TRPM3: variants seen among roughly 807,000 people sequenced by gnomAD.
TRPM3 encodes transient receptor potential cation channel subfamily M member 3, also known as long transient receptor potential channel 3.
Under a neutral mutation model 181.2 loss-of-function variants are expected in TRPM3, and 77 were observed. That is an observed-to-expected ratio of 0.42 (90% CI 0.35 to 0.51). TRPM3 has a LOEUF of 0.51. Ranked by LOEUF, TRPM3 falls within the 20% of genes least tolerant of loss-of-function variation. The probability of loss-of-function intolerance (pLI) is 0.01; values close to 1 mark genes in which losing one functional copy is unlikely to be tolerated. For synonymous variants in TRPM3, 745 were observed against 796.4 expected (o/e 0.94, Z 1.09); for missense variants, 1,759 against 2,196.7 (o/e 0.80, Z 3.98).
chr9:71,184,900 A>C (rs1171678805), intron 1 of TRPM3, among the ~76,000 whole-genome samples: 2 of 152,102 alleles, frequency 1.3e-5, no homozygotes, highest in Non-Finnish European at 2.9e-5. Flanking sequence ...CTCTTATAAT[A>C]AAGGGAGGGA....
In TRPM3 at chr9:70,862,968, G is replaced by A. The variant is rs1443773042; in HGVS notation, c.402C>T (p.Ser134=). Residue 134 remains serine (S), a synonymous_variant, in exon 3 of 26, where the codon AGC becomes AGT. Transcript: ENST00000677713. The stretch of plus-strand genomic sequence containing the variant: ...CAATGGTCCCAAAAGCATCCGTAGG[G>A]CTGAGTTGAGTGTGTTTGCTGATGG... ...KWSISKHTQL[S]PTDAFGTIEF... The A allele has an allele frequency of 6.2e-6, 10 of 1,613,682 alleles. No individual in the cohort carries two copies. Among genetic ancestry groups the A allele is most frequent in the Non-Finnish European group, 8.5e-6 (10 of 1,179,714 alleles).
At chr9:71,230,283 G>T (rs1199286892) in intron 1 of TRPM3, among the ~76,000 whole-genome samples, 4 of 152,004 alleles carry the variant, frequency 2.6e-5, no homozygotes, top group Non-Finnish European at 5.9e-5. Context: ...AACTTGTGCA[G>T]ATCGAGAGCA....
At chr9:70,882,759 A>C (rs2096016372) in intron 1 of TRPM3, among the ~76,000 whole-genome samples, 2 of 152,150 alleles carry the variant, frequency 1.3e-5, no homozygotes, top group Non-Finnish European at 2.9e-5. Flanking sequence ...CTACTTTATA[A>C]TGTTGATCAT....
chr9:70,906,288 G>A (rs143034943), intron 1 of TRPM3, among the ~76,000 whole-genome samples: 2,029 of 152,150 alleles, frequency 0.013, 20 homozygotes, highest in Non-Finnish European at 0.02. Context: ...GAAAATAAAT[G>A]AGGAGGGATG....
chr9:71,086,501 G>A (rs972516588), intron 1 of TRPM3, among the ~76,000 whole-genome samples: 3 of 151,936 alleles, frequency 2.0e-5, no homozygotes, highest in East Asian at 3.9e-4. Flanking sequence ...AGCTGAAGAT[G>A]TCTTTTTCTC....
intron 1 of TRPM3, among the ~76,000 whole-genome samples, chr9:70,956,716 C>A (rs939957774): frequency 1.3e-5 from 2 of 151,930 alleles, no homozygotes; most frequent in South Asian, 2.1e-4. Context: ...AAGACCCCAT[C>A]ATTACAAAAA....
chr9:70,907,405 A>T (rs2096482727), intron 1 of TRPM3, among the ~76,000 whole-genome samples: 1 of 152,200 alleles, frequency 6.6e-6, no homozygotes, highest in Admixed American at 6.5e-5. Context: ...ATGTCTCCGA[A>T]GTAAGTGCTG....
chr9:70,605,636 C>T (rs1031657727), intron 19 of TRPM3, among the ~76,000 whole-genome samples: 1 of 152,208 alleles, frequency 6.6e-6, no homozygotes, highest in African/African-American at 2.4e-5. Flanking sequence ...CATTATTATA[C>T]ACTGGCATTA....
In TRPM3 at chr9:71,031,600, T is replaced by G. The variant is rs1032975644; in HGVS notation, c.177+89578A>C. On this transcript the variant is annotated intron_variant, in intron 1 of 25. Coordinates refer to ENST00000677713, the MANE Select transcript of TRPM3 (RefSeq NM_001366145.2). ...TGTTTGTGTTTTCTGTTGGTAATAT[T>G]TTTAGTAATATTAAAAAATATCATG... Among the ~76,000 whole-genome samples, 12 of 152,020 alleles carry G rather than the reference T, an allele frequency of 7.9e-5. No homozygotes were observed. The East Asian group carries it at 1.2e-3, about 15-fold the overall frequency.
intron 9 of TRPM3, among the ~76,000 whole-genome samples, chr9:70,665,361 C>T (rs946734600): frequency 2.0e-5 from 3 of 152,106 alleles, no homozygotes; most frequent in African/African-American, 7.2e-5. Context: ...ATATGTCTGT[C>T]TCCTTGGTGA....
At chr9:71,243,005 G>A (rs1237356629) in intron 1 of TRPM3, among the ~76,000 whole-genome samples, 1 of 152,056 alleles carries the variant, frequency 6.6e-6, no homozygotes, top group African/African-American at 2.4e-5. Flanking sequence ...GCTCATCTGT[G>A]CCCCAGAGCC....
intron 1 of TRPM3, among the ~76,000 whole-genome samples, chr9:70,881,577 A>G (rs1037101282): frequency 6.6e-6 from 1 of 152,212 alleles, no homozygotes. Context: ...TAAGCTGTTG[A>G]TAATTGAAGC....
intron 1 of TRPM3, among the ~76,000 whole-genome samples, chr9:71,314,577 G>A (rs767230244): frequency 1.3e-5 from 2 of 152,154 alleles, no homozygotes; most frequent in African/African-American, 2.4e-5. Context: ...AAGACAGGGA[G>A]AATTTGAGCT....
At chr9:71,306,325 G>A (rs2090569237) in intron 1 of TRPM3, among the ~76,000 whole-genome samples, 1 of 152,138 alleles carries the variant, frequency 6.6e-6, no homozygotes, top group South Asian at 2.1e-4. Context: ...GTCATACAAA[G>A]TTTCCATTTG....
intron 1 of TRPM3, among the ~76,000 whole-genome samples, chr9:70,883,737 C>A (rs1260435914): frequency 6.6e-6 from 1 of 152,172 alleles, no homozygotes; most frequent in Non-Finnish European, 1.5e-5. Context: ...TTTACCTGAG[C>A]CCTATGGTAG....
At chr9:70,894,459 A>G (rs758661711) in intron 1 of TRPM3, among the ~76,000 whole-genome samples, 1 of 152,192 alleles carries the variant, frequency 6.6e-6, no homozygotes, top group African/African-American at 2.4e-5. Flanking sequence ...ATACAAATGC[A>G]TTTCTTTAAA....
At chr9:71,188,309 A>G (rs2077808150) in intron 1 of TRPM3, among the ~76,000 whole-genome samples, 2 of 151,856 alleles carry the variant, frequency 1.3e-5, no homozygotes, top group Non-Finnish European at 2.9e-5. Flanking sequence ...ATATTTTCCA[A>G]TGTGAGTAGG....
At chr9:70,596,072 T>C (rs1281034940) in intron 21 of TRPM3, among the ~76,000 whole-genome samples, 1 of 152,238 alleles carries the variant, frequency 6.6e-6, no homozygotes, top group Non-Finnish European at 1.5e-5. Flanking sequence ...AATTTGAACA[T>C]AATGATAACA....
intron 1 of TRPM3, among the ~76,000 whole-genome samples, chr9:71,341,954 C>T (rs1055465537): frequency 2.0e-5 from 3 of 151,572 alleles, no homozygotes; most frequent in African/African-American, 7.3e-5. Flanking sequence ...GTGTAAAGAG[C>T]TTCCAAAAAT....
Sources: gnomAD v4.1 joint callset for allele counts (sites outside exome capture counted in the v4.1 genomes callset) on GRCh38, gnomAD v4.1.1 for gene constraint, MANE v1.5 for transcripts, NCBI Gene and HGNC (gene_info 2026-07-23, HGNC 2026-07-21) for gene names.